The following CTNND2 variants were observed in gnomAD, a reference collection of about 807,000 sequenced individuals.
CTNND2 encodes the protein catenin delta 2, also known as catenin delta-2.
Under a neutral mutation model 144.4 loss-of-function variants are expected in CTNND2, and 22 were observed. That is an observed-to-expected ratio of 0.15 (90% CI 0.11 to 0.22). The LOEUF is 0.22. Ranked by LOEUF, CTNND2 falls within the 10% of genes least tolerant of loss-of-function variation. The pLI is 1.00. For synonymous variants in CTNND2, 751 were observed against 695.6 expected (o/e 1.08, Z -1.25); for missense variants, 1,353 against 1,618.8 (o/e 0.84, Z 2.82).
At chr5:11,439,057 C>A (rs755968497) in intron 3 of CTNND2, among the ~76,000 whole-genome samples, 4 of 151,950 alleles carry the variant, frequency 2.6e-5, no homozygotes, top group African/African-American at 9.7e-5. Flanking sequence ...GCAGCAGACA[C>A]GCATTCTCCG....
chr5:11,834,519 A>G (rs1794070645), intron 1 of CTNND2, among the ~76,000 whole-genome samples: 1 of 152,194 alleles, frequency 6.6e-6, no homozygotes, highest in Admixed American at 6.5e-5. Flanking sequence ...ACATGTAACA[A>G]AACATCATGG....
chr5:11,023,630 G>T (rs1359256398), intron 16 of CTNND2, among the ~76,000 whole-genome samples: 1 of 152,186 alleles, frequency 6.6e-6, no homozygotes, highest in African/African-American at 2.4e-5. Context: ...ACCTGATGCT[G>T]TTTGTCTCTC....
chr5:11,892,081 T>C (rs971558086), intron 1 of CTNND2, among the ~76,000 whole-genome samples: 27 of 152,360 alleles, frequency 1.8e-4, no homozygotes, highest in African/African-American at 6.5e-4. Context: ...ATATTCTCTA[T>C]AACATCACAC....
At chr5:11,326,119 A>G (rs1227767235) in intron 9 of CTNND2, among the ~76,000 whole-genome samples, 2 of 152,134 alleles carry the variant, frequency 1.3e-5, no homozygotes, top group African/African-American at 4.8e-5. Context: ...CCCAGCATCA[A>G]TTCCTGTTCC....
intron 3 of CTNND2, among the ~76,000 whole-genome samples, chr5:11,524,427 G>C (rs140818488): frequency 6.6e-6 from 1 of 152,266 alleles, no homozygotes; most frequent in African/African-American, 2.4e-5. Context: ...GCAAACAGTG[G>C]ATTTTTATTG....
chr5:11,146,159 C>T (rs1282758089), intron 12 of CTNND2, among the ~76,000 whole-genome samples: 1 of 152,216 alleles, frequency 6.6e-6, no homozygotes. Flanking sequence ...GTCACTTCCT[C>T]ATCTTTGTTC....
intron 9 of CTNND2, among the ~76,000 whole-genome samples, chr5:11,296,997 T>C (rs1749094234): frequency 6.6e-6 from 1 of 152,042 alleles, no homozygotes; most frequent in East Asian, 1.9e-4. Flanking sequence ...AAAAAGAAAG[T>C]TTCTCAGTAC....
At chr5:11,689,996 T>C (rs561864399) in intron 2 of CTNND2, among the ~76,000 whole-genome samples, 1 of 152,302 alleles carries the variant, frequency 6.6e-6, no homozygotes, top group South Asian at 2.1e-4. Context: ...TACAGAGCAA[T>C]AGTCAAACAT....
intron 1 of CTNND2, among the ~76,000 whole-genome samples, chr5:11,774,642 C>CTTGCAAATTTTT: frequency 6.6e-6 from 1 of 151,450 alleles, no homozygotes. Context: ...GTCACATTTT[C>CTTGCAAATTTTT]GCTTGCAATA....
At chr5:11,128,470 G>A (rs1198652166) in intron 12 of CTNND2, among the ~76,000 whole-genome samples, 1 of 151,776 alleles carries the variant, frequency 6.6e-6, no homozygotes, top group Admixed American at 6.6e-5. Context: ...AGAAGCTGTG[G>A]GCTAATGTAT....
intron 9 of CTNND2, among the ~76,000 whole-genome samples, chr5:11,261,626 C>A (rs562385679): frequency 6.6e-6 from 1 of 152,262 alleles, no homozygotes; most frequent in Admixed American, 6.5e-5. Flanking sequence ...GGTGGGATGC[C>A]CCGAGGGCAA....
At chr5:11,182,194 ATGTGTGTGTGGG>A (rs1464114010) in intron 11 of CTNND2, among the ~76,000 whole-genome samples, 3 of 98,898 alleles carry the variant, frequency 3.0e-5, no homozygotes, top group African/African-American at 1.2e-4. Flanking sequence ...TGTGTGGGGT[ATGTGTGTGTGGG>A]TGTGTGTGTA....
intron 13 of CTNND2, among the ~76,000 whole-genome samples, chr5:11,111,753 G>A (rs2149685929): frequency 6.6e-6 from 1 of 152,250 alleles, no homozygotes; most frequent in South Asian, 2.1e-4. Context: ...TCTGTAAAAT[G>A]GTCATAACAG....
At chr5:11,523,509 C>G (rs1023545862) in intron 3 of CTNND2, among the ~76,000 whole-genome samples, 9 of 152,120 alleles carry the variant, frequency 5.9e-5, no homozygotes, top group African/African-American at 2.2e-4. Flanking sequence ...AATCACAAAC[C>G]TACAAAGGGG....
At chr5:11,462,284 C>T (rs1448436303) in intron 3 of CTNND2, among the ~76,000 whole-genome samples, 1 of 152,158 alleles carries the variant, frequency 6.6e-6, no homozygotes, top group African/African-American at 2.4e-5. Context: ...TTTCGATGAC[C>T]TCGTGGGCAT....
intron 9 of CTNND2, among the ~76,000 whole-genome samples, chr5:11,243,241 G>T (rs1409374033): frequency 6.6e-6 from 1 of 152,162 alleles, no homozygotes; most frequent in Non-Finnish European, 1.5e-5. Flanking sequence ...ATGGTCTTTG[G>T]ATGCAACCAG....
chr5:11,334,752 C>A (rs1030427417), intron 9 of CTNND2, among the ~76,000 whole-genome samples: 2 of 152,184 alleles, frequency 1.3e-5, no homozygotes, highest in African/African-American at 4.8e-5. Flanking sequence ...GGGTTTCTTG[C>A]AAATGTCTCA....
At chr5:11,869,383 T>C in intron 1 of CTNND2, among the ~76,000 whole-genome samples, 1 of 152,362 alleles carries the variant, frequency 6.6e-6, no homozygotes, top group Middle Eastern at 3.4e-3. Flanking sequence ...AATGGAATAT[T>C]ATTCTGACAT....
At chr5:11,369,094 T>C (rs747337914) in intron 7 of CTNND2, among the ~76,000 whole-genome samples, 4 of 152,220 alleles carry the variant, frequency 2.6e-5, no homozygotes, top group Non-Finnish European at 5.9e-5. Context: ...ATAACAACCA[T>C]TTTTCTGATA....
Sources: allele counts gnomAD v4.1 joint callset (sites outside exome capture counted in the v4.1 genomes callset), GRCh38; gene constraint gnomAD v4.1.1; transcripts MANE v1.5; gene names NCBI Gene and HGNC (gene_info 2026-07-23, HGNC 2026-07-21).